Variants in TRIM36 observed in about 807,000 individuals in gnomAD.
The protein encoded by TRIM36 is E3 ubiquitin-protein ligase TRIM36.
TRIM36 carries 42 observed loss-of-function variants against 72.4 expected under a neutral mutation model. That is an observed-to-expected ratio of 0.58 (90% CI 0.45 to 0.75). The LOEUF (loss-of-function observed/expected upper bound fraction) is 0.75. Ranked by LOEUF, TRIM36 falls within the 30% of genes least tolerant of loss-of-function variation. The pLI, the probability that TRIM36 is intolerant of heterozygous loss-of-function variation, is 0.00. For synonymous variants in TRIM36, 315 were observed against 282.8 expected, an observed-to-expected ratio of 1.11 and a Z score of -1.14; for missense variants, 913 against 857.1, an observed-to-expected ratio of 1.07 and a Z score of -0.81.
In TRIM36 at chr5:115,134,109, C is replaced by G. The variant is rs763661147; in HGVS notation, c.1249G>C (p.Val417Leu). The change falls in exon 8 of 10, where the codon GTT (valine) becomes CTT (leucine). Residue 417 changes from valine (V) to leucine (L), a missense_variant. Coordinates refer to ENST00000513154, the MANE Select transcript of TRIM36 (RefSeq NM_001300759.2). ...VPEINEEQSKVYNNALINWHH... is the reference protein window; with the variant it reads ...VPEINEEQSKLYNNALINWHH... ...CAATTTATCAAGGCATTGTTATAAA[C>G]TTTGCTCTGTTCCTCATTGATCTCT... 5.6e-6 allele frequency: 9 copies of G among 1,611,410 alleles called. No individual in the cohort carries two copies. The highest frequency in any genetic ancestry group is 5.9e-6 in the Non-Finnish European group (7 of 1,178,868).
chr5:115,180,120 C>G, exon 1 of TRIM36: 13 of 1,422,562 alleles, frequency 9.1e-6, no homozygotes, highest in Non-Finnish European at 1.3e-5. Flanking sequence ...TGTTTTTAGT[C>G]TGAGTTTTGC....
chr5:115,150,476 G>A (rs1428393739), intron 2 of TRIM36, among the ~76,000 whole-genome samples: 1 of 152,124 alleles, frequency 6.6e-6, no homozygotes, highest in Non-Finnish European at 1.5e-5. Flanking sequence ...GCATAGTATT[G>A]CTCAATTGCA....
Position 115,163,664 on chromosome 5 carries a change from C to A in TRIM36, c.116G>T (p.Ser39Ile). 1 of 1,614,148 alleles carries A rather than the reference C, an allele frequency of 6.2e-7. No individual in the cohort carries two copies. Residue 39 changes from serine (S) to isoleucine (I), a missense_variant, in exon 2 of 10, where the codon AGT (serine) becomes ATT (isoleucine). Ser to Ile is a moderately radical substitution (Grantham distance 142, BLOSUM62 -2). Coordinates refer to ENST00000513154, the MANE Select transcript of TRIM36 (RefSeq NM_001300759.2). ...THPLILPCQH[S>I]ICHKCVKELL... Reference sequence around the variant, plus strand: ...TTCTTTTACACATTTATGACAGATACTATGTTGGCAAGGGAGAATCAATGG... The same window carrying A: ...TTCTTTTACACATTTATGACAGATAATATGTTGGCAAGGGAGAATCAATGG...
At chr5:115,176,025 C>T (rs985859821) in intron 1 of TRIM36, among the ~76,000 whole-genome samples, 2 of 152,010 alleles carry the variant, frequency 1.3e-5, no homozygotes, top group Admixed American at 6.5e-5. Context: ...ACTAGGGAGG[C>T]TGAGGTAGGA....
At chr5:115,130,111 G>C (rs1052567910) in intron 9 of TRIM36, among the ~76,000 whole-genome samples, 8 of 152,096 alleles carry the variant, frequency 5.3e-5, no homozygotes, top group Admixed American at 2.0e-4. Flanking sequence ...TAAAAGAACT[G>C]AACTGTACAA....
intron 7 of TRIM36, among the ~76,000 whole-genome samples, chr5:115,135,661 GA>G (rs1478655556): frequency 2.0e-5 from 3 of 152,076 alleles, no homozygotes; most frequent in African/African-American, 7.2e-5. Context: ...CACAGGGAGG[GA>G]GGACCTAGGA....
At position 115,134,224 on chromosome 5, in the gene TRIM36, CAT is replaced by C. The variant is rs1199587446; in HGVS notation, c.1211-79_1211-78del. On this transcript the variant is annotated intron_variant, in intron 7 of 9. Coordinates refer to ENST00000513154, the MANE Select transcript of TRIM36 (RefSeq NM_001300759.2). Reference sequence around the variant, plus strand: ...CCAGTGTTTTTCCTCAATAAAATGACATATAAACAGTATTTAATGATTTCTAT... The same window carrying C: ...CCAGTGTTTTTCCTCAATAAAATGACATAAACAGTATTTAATGATTTCTAT... 8.3e-6 allele frequency: 11 copies of C among 1,326,232 alleles called. No individual in the cohort carries two copies. The South Asian group carries it at 1.2e-4, about 15-fold the overall frequency. 82.2% of individuals were successfully genotyped at this position (1,326,232 alleles called of 1,614,324 possible).
intron 2 of TRIM36, among the ~76,000 whole-genome samples, chr5:115,154,217 G>A (rs970713533): frequency 2.0e-5 from 3 of 151,690 alleles, no homozygotes; most frequent in Admixed American, 6.6e-5. Context: ...AGCCCTAAAC[G>A]CCTACATGAA....
At chr5:115,139,915 AGAAGT>A (rs1261494095) in intron 5 of TRIM36, among the ~76,000 whole-genome samples, 1 of 152,188 alleles carries the variant, frequency 6.6e-6, no homozygotes, top group African/African-American at 2.4e-5. Flanking sequence ...TCTTCATTTC[AGAAGT>A]GAAGAGCAGC....
upstream of TRIM36, among the ~76,000 whole-genome samples, chr5:115,172,802 A>G (rs949125519): frequency 6.6e-6 from 1 of 152,192 alleles, no homozygotes; most frequent in African/African-American, 2.4e-5. Context: ...AAAACTAGGT[A>G]TATCTGATTA....
At chr5:115,131,740 C>T (rs373749780) in intron 8 of TRIM36, among the ~76,000 whole-genome samples, 4 of 151,998 alleles carry the variant, frequency 2.6e-5, no homozygotes, top group Admixed American at 1.3e-4. Context: ...GGATAAATTT[C>T]GATACATGCT....
intron 2 of TRIM36, among the ~76,000 whole-genome samples, chr5:115,160,178 A>G (rs1754404033): frequency 6.6e-6 from 1 of 152,162 alleles, no homozygotes; most frequent in Non-Finnish European, 1.5e-5. Flanking sequence ...ATGCACACAA[A>G]TCTTACTCTC....
rs1339990649 is a variant in TRIM36, at chr5:115,169,691, C to T, written c.-57G>A. 1.3e-6 allele frequency: 2 copies of T among 1,508,326 alleles called. No homozygotes were observed. Among genetic ancestry groups the T allele is most frequent in the Non-Finnish European group, 8.8e-7 (1 of 1,131,228 alleles). The allele number at this position is 1,508,326 out of a possible 1,614,324, so 93.4% of individuals were successfully genotyped here. A position where few individuals can be genotyped will look rare whatever the true frequency, so the allele number is the denominator to read the frequency against. On this transcript the variant is annotated 5_prime_UTR_variant, in exon 1 of 10. Transcript: ENST00000513154. ...CGTTCCACTCACACCGGCTACCGAG[C>T]GCAGGGTCTGGTGGGCGGGTCCCTG... is the stretch of plus-strand genomic sequence containing the variant.
At chr5:115,148,585 A>G (rs937149096) in intron 2 of TRIM36, among the ~76,000 whole-genome samples, 2 of 151,430 alleles carry the variant, frequency 1.3e-5, no homozygotes, top group Non-Finnish European at 2.9e-5. Flanking sequence ...TAATTTTTAT[A>G]TTTTTAGTAG....
chr5:115,144,970 G>A (rs192852349), intron 3 of TRIM36, among the ~76,000 whole-genome samples: 6 of 152,074 alleles, frequency 3.9e-5, no homozygotes, highest in African/African-American at 1.2e-4. Flanking sequence ...TGTTGTCTAC[G>A]GCCATACCCC....
chr5:115,142,024 C>T (rs1753303988), intron 4 of TRIM36, among the ~76,000 whole-genome samples: 1 of 152,028 alleles, frequency 6.6e-6, no homozygotes, highest in South Asian at 2.1e-4. Context: ...CCCAGAAAAC[C>T]TACTCTGAAA....
chr5:115,141,422 A>G (rs2112816833), intron 4 of TRIM36, 48 bp from the exon 5 acceptor site: 1 of 1,404,732 alleles, frequency 7.1e-7, no homozygotes, highest in East Asian at 2.4e-5. Context: ...GGAGTTTAGC[A>G]AAGACTTTGC....
chr5:115,155,622 T>C (rs1754135873), intron 2 of TRIM36, among the ~76,000 whole-genome samples: 2 of 152,346 alleles, frequency 1.3e-5, no homozygotes, highest in South Asian at 2.1e-4. Flanking sequence ...CATCCCTTTA[T>C]GATTAAAACT....
chr5:115,167,147 A>G (rs1278784370), intron 1 of TRIM36, among the ~76,000 whole-genome samples: 1 of 152,128 alleles, frequency 6.6e-6, no homozygotes, highest in Non-Finnish European at 1.5e-5. Context: ...TGGTGAAGCG[A>G]CACCCTAAGG....
Sources: allele counts gnomAD v4.1 joint callset (sites outside exome capture counted in the v4.1 genomes callset), GRCh38; gene constraint gnomAD v4.1.1; transcripts MANE v1.5; gene names NCBI Gene and HGNC (gene_info 2026-07-23, HGNC 2026-07-21).